The following PRKAG2 variants were observed in gnomAD, a reference collection of about 807,000 sequenced individuals.
PRKAG2 encodes 5'-AMP-activated protein kinase subunit gamma-2.
PRKAG2 carries 26 observed loss-of-function variants against 69.6 expected under a neutral mutation model. The ratio of observed to expected loss-of-function variants is 0.37; its 90% confidence interval spans 0.27 to 0.52. The LOEUF is 0.52. PRKAG2 is among the 20% of genes least tolerant of loss of function. PRKAG2 has a pLI of 0.90. For synonymous variants in PRKAG2, 293 were observed against 285.0 expected, an observed-to-expected ratio of 1.03 and a Z score of -0.28; for missense variants, 557 against 740.0, an observed-to-expected ratio of 0.75 and a Z score of 2.87.
chr7:151,681,580 A>ACAC (rs1272329895), intron 3 of PRKAG2, among the ~76,000 whole-genome samples: 1 of 152,038 alleles, frequency 6.6e-6, no homozygotes, highest in Non-Finnish European at 1.5e-5. Context: ...TGCAGCATCA[A>ACAC]CACTTTTTTT....
At position 151,614,621 on chromosome 7, in the gene PRKAG2, G is replaced by T. The variant is rs1416415692; in HGVS notation, c.754+17448C>A. On this transcript the variant is annotated intron_variant, in intron 5 of 15. Transcript: ENST00000287878. This position sits in a 1 kb window ranked among gnomAD's most constrained non-coding sequence, Gnocchi z 4.4. ...CTCCCCATCTCCACTTGACCTTGTG[G>T]TGGTTCACTCCACTCCACTGCCTTT... 2.6e-5 allele frequency among the ~76,000 whole-genome samples: 4 copies of T among 151,992 alleles called. No homozygotes were observed. Among genetic ancestry groups the T allele is most frequent in the Non-Finnish European group, 5.9e-5 (4 of 68,006 alleles).
At chr7:151,669,269 G>A (rs1831476332) in intron 4 of PRKAG2, among the ~76,000 whole-genome samples, 1 of 152,186 alleles carries the variant, frequency 6.6e-6, no homozygotes, top group African/African-American at 2.4e-5. Flanking sequence ...CTACACTAGA[G>A]ATCACCACTT....
chr7:151,854,696 G>T (rs1303572306), intron 1 of PRKAG2, among the ~76,000 whole-genome samples: 1 of 152,222 alleles, frequency 6.6e-6, no homozygotes, highest in Non-Finnish European at 1.5e-5. Context: ...CCCACTCCTT[G>T]AGCTCAGGGC....
intron 1 of PRKAG2, among the ~76,000 whole-genome samples, chr7:151,872,863 C>T (rs2080251688): frequency 6.6e-6 from 1 of 152,206 alleles, no homozygotes; most frequent in Non-Finnish European, 1.5e-5. Flanking sequence ...TCCACAGCGT[C>T]CACCGCAGCT....
At chr7:151,558,499 G>A (rs374015833) in intron 15 of PRKAG2, 79 of 972,858 alleles carry the variant, frequency 8.1e-5, no homozygotes, top group East Asian at 2.3e-4. Flanking sequence ...GAGGTGAAGC[G>A]ACTTGCTTAC....
At chr7:151,737,625 T>G (rs2073536996) in intron 3 of PRKAG2, among the ~76,000 whole-genome samples, 1 of 152,152 alleles carries the variant, frequency 6.6e-6, no homozygotes, top group Non-Finnish European at 1.5e-5. Flanking sequence ...CCCCAGCAGC[T>G]TGCCACTGGA....
chr7:151,732,288 A>T (rs1799077021), intron 3 of PRKAG2, among the ~76,000 whole-genome samples: 1 of 151,878 alleles, frequency 6.6e-6, no homozygotes, highest in African/African-American at 2.4e-5. Flanking sequence ...ACCGACATGC[A>T]CCACCACGCC....
intron 1 of PRKAG2, chr7:151,809,380 T>C (rs1416826921): frequency 5.2e-6 from 2 of 386,914 alleles, no homozygotes; most frequent in Non-Finnish European, 1.0e-5. Flanking sequence ...ATTCCAGAGT[T>C]GTGGTGGCCG....
intron 5 of PRKAG2, among the ~76,000 whole-genome samples, chr7:151,597,491 C>T (rs779305081): frequency 5.3e-5 from 8 of 152,098 alleles, no homozygotes; most frequent in Non-Finnish European, 8.8e-5. Context: ...AAGAGACAAC[C>T]TACAGAATGA....
intron 3 of PRKAG2, among the ~76,000 whole-genome samples, chr7:151,722,498 C>T (rs920020481): frequency 1.3e-5 from 2 of 152,166 alleles, no homozygotes; most frequent in Non-Finnish European, 2.9e-5. Flanking sequence ...ACCCCAGCTC[C>T]CTCCCCAGGG....
chr7:151,859,629 G>A (rs2079869025), intron 1 of PRKAG2, among the ~76,000 whole-genome samples: 1 of 152,198 alleles, frequency 6.6e-6, no homozygotes, highest in African/African-American at 2.4e-5. Flanking sequence ...AAGCCCGGCT[G>A]GGTCTGCTGC....
rs1824922517 is a variant in PRKAG2 at position 151,632,548 on chromosome 7, C to T, written c.685-410G>A. On this transcript the variant is annotated intron_variant, in intron 4 of 15. Coordinates refer to ENST00000287878, the MANE Select transcript of PRKAG2 (RefSeq NM_016203.4). This position sits in a 1 kb window ranked among gnomAD's most constrained non-coding sequence, Gnocchi z 4.2. ...GGGAGAGGCCCGCGGCCCGCCCCCA[C>T]TCCGCCCCCCGGCGCCGCTCACCTT... The T allele has an allele frequency of 1.0e-6, 1 of 983,856 alleles. No individual in the cohort carries two copies. The highest frequency in any genetic ancestry group is 1.2e-6 in the Non-Finnish European group (1 of 828,872). The allele number at this position is 983,856 out of a possible 1,614,324, so 60.9% of individuals were successfully genotyped here. A position where few individuals can be genotyped will look rare whatever the true frequency, so the allele number is the denominator to read the frequency against.
chr7:151,712,031 T>TACAG (rs1349494728), intron 3 of PRKAG2, among the ~76,000 whole-genome samples: 5 of 152,152 alleles, frequency 3.3e-5, no homozygotes, highest in Admixed American at 3.3e-4. Context: ...GGAGGAGGTG[T>TACAG]ACAGATCCCA....
chr7:151,732,134 T>A (rs943557665), intron 3 of PRKAG2, among the ~76,000 whole-genome samples: 1 of 2,460 alleles, frequency 4.1e-4, no homozygotes, highest in Non-Finnish European at 7.7e-4. Context: ...AGCACCTGGC[T>A]TTTTTTTTTT....
intron 4 of PRKAG2, among the ~76,000 whole-genome samples, chr7:151,651,984 A>G (rs1219770920): frequency 6.6e-6 from 1 of 152,218 alleles, no homozygotes; most frequent in East Asian, 1.9e-4. Context: ...GATGTATCGC[A>G]CAGCACTGTG....
chr7:151,700,941 C>G (rs146966954), intron 3 of PRKAG2, among the ~76,000 whole-genome samples: 1 of 152,338 alleles, frequency 6.6e-6, no homozygotes, highest in Non-Finnish European at 1.5e-5. Flanking sequence ...CACAGGATGT[C>G]CCAGGCATTT....
intron 3 of PRKAG2, among the ~76,000 whole-genome samples, chr7:151,711,112 T>C (rs528207476): frequency 2.4e-4 from 37 of 151,792 alleles, no homozygotes; most frequent in African/African-American, 7.5e-4. Context: ...AGTACTAGGC[T>C]GAGAGTGCTG....
chr7:151,741,100 C>T (rs888462591), intron 3 of PRKAG2, among the ~76,000 whole-genome samples: 4 of 152,144 alleles, frequency 2.6e-5, no homozygotes, highest in African/African-American at 4.8e-5. Context: ...GTAATCCCAG[C>T]ACTTTGGGAG....
At chr7:151,682,019 G>C (rs1833958376) in intron 3 of PRKAG2, among the ~76,000 whole-genome samples, 2 of 152,184 alleles carry the variant, frequency 1.3e-5, no homozygotes, top group Non-Finnish European at 2.9e-5. Flanking sequence ...TGTAGGGAGG[G>C]ACAGGCTTCC....
Sources: allele counts gnomAD v4.1 joint callset (sites outside exome capture counted in the v4.1 genomes callset), GRCh38; gene constraint gnomAD v4.1.1; non-coding constraint Gnocchi (gnomAD v3.1); transcripts MANE v1.5; gene names NCBI Gene and HGNC (gene_info 2026-07-23, HGNC 2026-07-21).